Variants in CR1L observed in about 807,000 individuals in gnomAD.
The protein encoded by CR1L is complement component receptor 1-like protein.
CR1L carries 59 observed loss-of-function variants against 62.3 expected under a neutral mutation model. That is an observed-to-expected ratio of 0.95 (90% CI 0.77 to 1.18). The LOEUF (loss-of-function observed/expected upper bound fraction) is 1.18. Ranked by LOEUF, CR1L falls within the 50% of genes most tolerant of loss-of-function variation. CR1L has a pLI of 0.00. For synonymous variants in CR1L, 279 were observed against 248.7 expected, an observed-to-expected ratio of 1.12 and a Z score of -1.15; for missense variants, 700 against 702.8, an observed-to-expected ratio of 1.00 and a Z score of 0.04.
chr1:207,659,508 T>C (rs1290678853), intron 1 of CR1L, among the ~76,000 whole-genome samples: 2 of 152,196 alleles, frequency 1.3e-5, no homozygotes, highest in Non-Finnish European at 2.9e-5. Context: ...GAGCAATAAA[T>C]TGTCTTAAGA....
At chr1:207,701,294 C>A (rs905777425) in intron 8 of CR1L, among the ~76,000 whole-genome samples, 1 of 152,110 alleles carries the variant, frequency 6.6e-6, no homozygotes, top group Non-Finnish European at 1.5e-5. Flanking sequence ...CTACACAGAT[C>A]TAAATCTAGA....
At chr1:207,717,915 G>A (rs551287578) in intron 11 of CR1L, among the ~76,000 whole-genome samples, 2 of 152,294 alleles carry the variant, frequency 1.3e-5, no homozygotes, top group African/African-American at 2.4e-5. Flanking sequence ...GGATGGTAAG[G>A]AGAGAAGAGG....
intron 4 of CR1L, among the ~76,000 whole-genome samples, chr1:207,687,278 GA>G (rs943688657): frequency 5.3e-5 from 8 of 152,232 alleles, no homozygotes; most frequent in African/African-American, 1.2e-4. Context: ...GAATTCACTG[GA>G]AAAGCCATAT....
intron 1 of CR1L, among the ~76,000 whole-genome samples, chr1:207,671,843 C>A (rs1366871917): frequency 6.6e-6 from 1 of 150,710 alleles, no homozygotes; most frequent in Non-Finnish European, 1.5e-5. Context: ...ATCTCTTGAA[C>A]CTGGGAGGCA....
intron 10 of CR1L, among the ~76,000 whole-genome samples, chr1:207,716,407 G>T (rs936659336): frequency 6.6e-6 from 1 of 152,012 alleles, no homozygotes; most frequent in Admixed American, 6.6e-5. Flanking sequence ...AATTCAGAAA[G>T]AATTCAGAAA....
intron 5 of CR1L, among the ~76,000 whole-genome samples, chr1:207,695,964 G>C (rs538575428): frequency 4.6e-5 from 7 of 152,274 alleles, no homozygotes; most frequent in African/African-American, 1.7e-4. Flanking sequence ...ATTACAATTT[G>C]ACATGAGATT....
At chr1:207,691,869 G>A (rs1421981629) in intron 4 of CR1L, among the ~76,000 whole-genome samples, 1 of 152,150 alleles carries the variant, frequency 6.6e-6, no homozygotes, top group African/African-American at 2.4e-5. Flanking sequence ...GAGTTTAATT[G>A]AGCAATGAAC....
In CR1L at chr1:207,669,377, A is replaced by G. The variant is rs955777688; in HGVS notation, c.98-8012A>G. On this transcript the variant is annotated intron_variant, in intron 1 of 11. Coordinates refer to ENST00000508064, the MANE Select transcript of CR1L (RefSeq NM_175710.2). ...ACAAGGATTGGTCACTCCTCTTTGC[A>G]CTGCGCTTTTCCTCTTATTTCAGTT... 23 of 1,026,506 alleles carry G rather than the reference A, an allele frequency of 2.2e-5. 2 individuals carry two copies. In the African/African-American group the frequency reaches 2.7e-4, roughly 12 times the overall value. The allele number at this position is 1,026,506 out of a possible 1,614,324, so 63.6% of individuals were successfully genotyped here. A position where few individuals can be genotyped will look rare whatever the true frequency, so the allele number is the denominator to read the frequency against.
At chr1:207,693,493 A>T (rs1431171396) in intron 4 of CR1L, among the ~76,000 whole-genome samples, 1 of 152,182 alleles carries the variant, frequency 6.6e-6, no homozygotes, top group Non-Finnish European at 1.5e-5. Context: ...AATGTTGTTT[A>T]TGTCTATTAT....
chr1:207,661,419 G>A (rs537400024), intron 1 of CR1L, among the ~76,000 whole-genome samples: 2 of 152,216 alleles, frequency 1.3e-5, no homozygotes, highest in African/African-American at 4.8e-5. Context: ...TGTCTCTTTT[G>A]TTCTTTGTTG....
intron 4 of CR1L, among the ~76,000 whole-genome samples, chr1:207,685,223 T>C (rs915016848): frequency 2.6e-5 from 4 of 152,238 alleles, no homozygotes; most frequent in Non-Finnish European, 5.9e-5. Flanking sequence ...TAAATGGCTG[T>C]AAGTCTTCTT....
At chr1:207,683,117 A>ACT (rs137922510) in intron 3 of CR1L, among the ~76,000 whole-genome samples, 10 of 92,134 alleles carry the variant, frequency 1.1e-4, no homozygotes, top group South Asian at 3.2e-4. Flanking sequence ...TCTCCCTCTG[A>ACT]CTCTCTCTCT....
At chr1:207,684,307 A>T (rs1394903852) in intron 4 of CR1L, among the ~76,000 whole-genome samples, 7 of 152,204 alleles carry the variant, frequency 4.6e-5, no homozygotes, top group Non-Finnish European at 1.5e-5. Context: ...CTTCAAGGTT[A>T]GCGAAGCTGT....
At chr1:207,699,522 G>A (rs1664159859) in intron 8 of CR1L, among the ~76,000 whole-genome samples, 1 of 152,122 alleles carries the variant, frequency 6.6e-6, no homozygotes, top group Admixed American at 6.6e-5. Context: ...TGTGCTTCTA[G>A]GTCAGGAGAG....
At position 207,672,068 on chromosome 1, in the gene CR1L, A is replaced by C. The variant is rs1028416894; in HGVS notation, c.98-5321A>C. ...CCATCATTTTGAGTGTCAATGATCT[A>C]AAGGCACCAATTGAAACAGATCATC... On this transcript the variant is annotated intron_variant, in intron 1 of 11. Transcript: ENST00000508064. Among the ~76,000 whole-genome samples the C allele has an allele frequency of 9.9e-5, 15 of 151,134 alleles. 1 individual carries two copies. The highest frequency in any genetic ancestry group is 3.7e-4 in the African/African-American group (15 of 40,396).
rs1663142938 is a variant in CR1L, at chr1:207,647,347, A to G, written c.97+2017A>G. On this transcript the variant is annotated intron_variant, in intron 1 of 11. Transcript: ENST00000508064. Reference sequence around the variant, plus strand: ...GAACGTTCTCCCCATGACCTGCTGCATAAATGGGCTGTTTCTTCTGCAAGC... The same window carrying G: ...GAACGTTCTCCCCATGACCTGCTGCGTAAATGGGCTGTTTCTTCTGCAAGC... Among the ~76,000 whole-genome samples, 4 of 152,206 alleles carry G rather than the reference A, an allele frequency of 2.6e-5. No individual in the cohort carries two copies. The South Asian group carries it at 8.3e-4, about 32-fold the overall frequency.
intron 1 of CR1L, among the ~76,000 whole-genome samples, chr1:207,663,535 A>G (rs934303774): frequency 1.3e-5 from 2 of 152,198 alleles, no homozygotes; most frequent in Non-Finnish European, 2.9e-5. Flanking sequence ...TCCAGGTGCC[A>G]TCTGTCACCC....
At chr1:207,655,143 CTTA>C (rs1474220778) in intron 1 of CR1L, 2 of 459,088 alleles carry the variant, frequency 4.4e-6, no homozygotes, top group African/African-American at 4.0e-5. Context: ...TATTATGTGT[CTTA>C]TTAATTGCTA....
At position 207,669,383 on chromosome 1, in the gene CR1L, C is replaced by A. The variant is rs1353442304; in HGVS notation, c.98-8006C>A. Reference sequence around the variant, plus strand: ...ATTGGTCACTCCTCTTTGCACTGCGCTTTTCCTCTTATTTCAGTTTTCTTC... The same window carrying A: ...ATTGGTCACTCCTCTTTGCACTGCGATTTTCCTCTTATTTCAGTTTTCTTC... On this transcript the variant is annotated intron_variant, in intron 1 of 11. Transcript: ENST00000508064. The A allele has an allele frequency of 5.7e-5, 61 of 1,061,980 alleles. No individual in the cohort carries two copies. The Admixed American group carries it at 1.1e-3, about 19-fold the overall frequency. 65.8% of individuals were successfully genotyped at this position (1,061,980 alleles called of 1,614,324 possible). A position where few individuals can be genotyped will look rare whatever the true frequency, so the allele number is the denominator to read the frequency against.
Sources: allele counts gnomAD v4.1 joint callset (sites outside exome capture counted in the v4.1 genomes callset), GRCh38; gene constraint gnomAD v4.1.1; transcripts MANE v1.5; gene names NCBI Gene and HGNC (gene_info 2026-07-23, HGNC 2026-07-21).